The following CGNL1 variants were observed in gnomAD, a reference collection of about 807,000 sequenced individuals.
CGNL1 encodes the protein cingulin-like protein 1.
A neutral mutation model predicts 141.2 loss-of-function variants in CGNL1; 132 were observed. That is an observed-to-expected ratio of 0.93 (90% CI 0.81 to 1.08). CGNL1 has a LOEUF of 1.08. Among genes scored for constraint, CGNL1 ranks in the 50% least tolerant of loss-of-function variants. The pLI, the probability that CGNL1 is intolerant of heterozygous loss-of-function variation, is 0.00. For missense variants in CGNL1, 1,870 were observed against 1,588.6 expected (o/e 1.18, Z -3.01); for synonymous variants, 690 against 622.1 (o/e 1.11, Z -1.63).
At chr15:57,447,225 T>C (rs754486202) in intron 4 of CGNL1, among the ~76,000 whole-genome samples, 1 of 152,208 alleles carries the variant, frequency 6.6e-6, no homozygotes, top group African/African-American at 2.4e-5. Flanking sequence ...GTCTCGCACA[T>C]CTTTCATTTA....
chr15:57,487,441 G>A (rs2063800029), intron 8 of CGNL1, among the ~76,000 whole-genome samples: 1 of 152,084 alleles, frequency 6.6e-6, no homozygotes, highest in African/African-American at 2.4e-5. Flanking sequence ...GGACCATTTG[G>A]CCAGTACTGA....
chr15:57,441,995 C>T (rs867290851), intron 3 of CGNL1, among the ~76,000 whole-genome samples: 1 of 151,868 alleles, frequency 6.6e-6, no homozygotes, highest in South Asian at 2.1e-4. Flanking sequence ...GAGAGATATA[C>T]ACATACGCAC....
At chr15:57,389,299 C>CA (rs1426801263) in intron 1 of CGNL1, among the ~76,000 whole-genome samples, 1 of 152,010 alleles carries the variant, frequency 6.6e-6, no homozygotes, top group Non-Finnish European at 1.5e-5. Context: ...TCTCAAAAAA[C>CA]AAAAAACAAA....
intron 8 of CGNL1, among the ~76,000 whole-genome samples, chr15:57,513,768 C>T (rs753366621): frequency 2.0e-4 from 30 of 152,056 alleles, no homozygotes; most frequent in Non-Finnish European, 2.9e-4. Context: ...GTGATCTGCC[C>T]GCCTCGGCCT....
chr15:57,478,638 AC>A (rs1366435878), intron 8 of CGNL1, among the ~76,000 whole-genome samples: 1 of 152,026 alleles, frequency 6.6e-6, no homozygotes, highest in African/African-American at 2.4e-5. Flanking sequence ...ATACATGGTG[AC>A]CCAAGGGTAG....
Position 57,506,173 on chromosome 15 carries a change from C to T in CGNL1, c.2404-10607C>T, listed in dbSNP as rs75718814. 2.9e-3 allele frequency among the ~76,000 whole-genome samples: 437 copies of T among 152,322 alleles called. 5 individuals carry two copies. Among genetic ancestry groups the T allele is most frequent in the African/African-American group, 9.3e-3 (385 of 41,562 alleles). ...ACAGCGACTCTAACTGGGAGTCTAACGCTTGCATTTACCCGGTTCCCACCC... is the reference window on the plus strand; with the variant it reads ...ACAGCGACTCTAACTGGGAGTCTAATGCTTGCATTTACCCGGTTCCCACCC... On this transcript the variant is annotated intron_variant, in intron 8 of 18. Transcript: ENST00000281282.
intron 16 of CGNL1, 115 bp from the exon 17 acceptor site, chr15:57,545,477 A>G: frequency 1.2e-6 from 1 of 801,630 alleles, no homozygotes; most frequent in South Asian, 1.7e-5. Flanking sequence ...CCTGACCCTA[A>G]GCCTTGAGCT....
intron 1 of CGNL1, among the ~76,000 whole-genome samples, chr15:57,415,129 G>A (rs552794860): frequency 2.6e-5 from 4 of 152,162 alleles, no homozygotes; most frequent in South Asian, 2.1e-4. Context: ...CTCAGCTTCG[G>A]TCTGAACATT....
intron 4 of CGNL1, among the ~76,000 whole-genome samples, chr15:57,448,381 G>T (rs1322478126): frequency 6.6e-6 from 1 of 152,136 alleles, no homozygotes; most frequent in African/African-American, 2.4e-5. Context: ...AGGCATGGTG[G>T]TTCATGCCTG....
intron 1 of CGNL1, among the ~76,000 whole-genome samples, chr15:57,401,196 C>T (rs184999089): frequency 7.3e-4 from 111 of 151,992 alleles, no homozygotes; most frequent in Middle Eastern, 3.4e-3. Context: ...ATAGATATAT[C>T]GTAATTTAGC....
rs1304004521 is a variant in CGNL1, at chr15:57,440,412, C to T, written c.1638C>T (p.Leu546=). 1 of 1,603,002 alleles carries T rather than the reference C, an allele frequency of 6.2e-7. No individual in the cohort carries two copies. Among genetic ancestry groups the T allele is most frequent in the East Asian group, 2.2e-5 (1 of 44,782 alleles). Residue 546 remains leucine (L), a synonymous_variant, in exon 3 of 19, where the codon CTC becomes CTT. Coordinates refer to ENST00000281282, the MANE Select transcript of CGNL1 (RefSeq NM_032866.5). ...TPDLLKGQQE[L]TQQTNEETAK... ...ATCTCTTAAAGGGCCAGCAAGAGCT[C>T]ACTCAGCAAACCAATGAGGAGACAG...
At chr15:57,520,929 A>G (rs1595792049) in intron 10 of CGNL1, among the ~76,000 whole-genome samples, 2 of 152,154 alleles carry the variant, frequency 1.3e-5, no homozygotes. Context: ...TGGGACCTCA[A>G]TCATAGGGTA....
intron 13 of CGNL1, among the ~76,000 whole-genome samples, chr15:57,529,287 T>C (rs772376958): frequency 4.6e-5 from 7 of 152,298 alleles, no homozygotes; most frequent in Non-Finnish European, 8.8e-5. Flanking sequence ...TTATTGGGCT[T>C]TGCCAGAGCT....
intron 15 of CGNL1, among the ~76,000 whole-genome samples, chr15:57,544,190 C>G (rs2032723944): frequency 6.6e-6 from 1 of 152,226 alleles, no homozygotes; most frequent in Admixed American, 6.5e-5. Context: ...TAGGGCAAGG[C>G]AAAGCCCGTT....
At chr15:57,520,995 A>C (rs1045815060) in intron 10 of CGNL1, among the ~76,000 whole-genome samples, 3 of 152,098 alleles carry the variant, frequency 2.0e-5, no homozygotes, top group Admixed American at 6.5e-5. Flanking sequence ...CTCACCCTAC[A>C]TCTACCCGTG....
At chr15:57,428,083 A>T (rs2062999820) in intron 1 of CGNL1, among the ~76,000 whole-genome samples, 1 of 152,062 alleles carries the variant, frequency 6.6e-6, no homozygotes, top group African/African-American at 2.4e-5. Context: ...ACTGTTCTGG[A>T]TGCCAGAAAT....
Position 57,452,284 on chromosome 15 carries a change from GGAGGA to G in CGNL1, c.2051_2054+1del. ...GTGAAGGGGAGCTCCGGAAGAATCT[GGAGGA>G]GTAAGTTCTGGGCTGAGAGCCTGTT... is the stretch of plus-strand genomic sequence containing the variant. On this transcript the variant is annotated frameshift_variant and splice_region_variant, in exon 6 of 19. Transcript: ENST00000281282. LOFTEE classifies it high-confidence loss of function. 2 of 1,613,350 alleles carry G rather than the reference GGAGGA, an allele frequency of 1.2e-6. No individual in the cohort carries two copies. Among genetic ancestry groups the G allele is most frequent in the Non-Finnish European group, 1.7e-6 (2 of 1,179,650 alleles).
At chr15:57,418,323 T>G (rs1279396425) in intron 1 of CGNL1, among the ~76,000 whole-genome samples, 4 of 152,134 alleles carry the variant, frequency 2.6e-5, no homozygotes, top group Admixed American at 6.5e-5. Context: ...ATTGCCTCCA[T>G]CTCATGCCTC....
intron 8 of CGNL1, among the ~76,000 whole-genome samples, chr15:57,473,134 T>C (rs1225742483): frequency 6.6e-6 from 1 of 152,160 alleles, no homozygotes; most frequent in Non-Finnish European, 1.5e-5. Context: ...AGTGGGGCTA[T>C]TATAAATAGC....
Sources: gnomAD v4.1 joint callset for allele counts (sites outside exome capture counted in the v4.1 genomes callset) on GRCh38, gnomAD v4.1.1 for gene constraint, MANE v1.5 for transcripts, NCBI Gene and HGNC (gene_info 2026-07-23, HGNC 2026-07-21) for gene names.